GSTCD: variants seen among roughly 807,000 people sequenced by gnomAD.
GSTCD encodes glutathione S-transferase C-terminal domain-containing protein.
In GSTCD, 44 loss-of-function variants were observed where a neutral mutation model predicts 68.3. The ratio of observed to expected loss-of-function variants is 0.64; its 90% CI spans 0.51 to 0.83. GSTCD has a LOEUF of 0.83. Among genes scored for constraint, GSTCD ranks in the 40% least tolerant of loss-of-function variants. The probability of loss-of-function intolerance (pLI) is 0.00; values close to 1 mark genes in which losing one functional copy is unlikely to be tolerated. For synonymous variants in GSTCD, 273 were observed against 255.2 expected (o/e 1.07, Z -0.67); for missense variants, 739 against 735.9 (o/e 1.00, Z -0.05).
At chr4:105,742,707 C>CTTTTTTT (rs70941211) in intron 5 of GSTCD, among the ~76,000 whole-genome samples, 5 of 130,398 alleles carry the variant, frequency 3.8e-5, no homozygotes, top group Non-Finnish European at 5.0e-5. Context: ...GTTGTTTTTA[C>CTTTTTTT]TTTTTTTTTT....
At chr4:105,802,364 A>C (rs1736138247) in intron 5 of GSTCD, among the ~76,000 whole-genome samples, 2 of 152,178 alleles carry the variant, frequency 1.3e-5, no homozygotes, top group South Asian at 4.1e-4. Context: ...CTTGTGCATA[A>C]CCTGTTATCC....
chr4:105,772,179 G>T (rs1385545082), intron 5 of GSTCD, among the ~76,000 whole-genome samples: 1 of 152,122 alleles, frequency 6.6e-6, no homozygotes, highest in South Asian at 2.1e-4. Context: ...CATTATTGGT[G>T]CATAGCAATG....
intron 5 of GSTCD, among the ~76,000 whole-genome samples, chr4:105,817,265 G>C (rs1401527129): frequency 6.6e-6 from 1 of 151,870 alleles, no homozygotes; most frequent in East Asian, 1.9e-4. Flanking sequence ...TGTGTTGAAT[G>C]AATGATTGAG....
At position 105,797,838 on chromosome 4, in the gene GSTCD, G is replaced by A. The variant is rs192358185; in HGVS notation, c.1241-25116G>A. Among the ~76,000 whole-genome samples the A allele has an allele frequency of 2.3e-3, 316 of 140,392 alleles. 2 individuals carry two copies. The highest frequency in any genetic ancestry group is 7.9e-3 in the African/African-American group (291 of 36,938). The allele number at this position is 140,392 out of a possible 152,430, so 92.1% of individuals were successfully genotyped here. A position where few individuals can be genotyped will look rare whatever the true frequency, so the allele number is the denominator to read the frequency against. On this transcript the variant is annotated intron_variant, in intron 5 of 11. Coordinates refer to ENST00000515279, the MANE Select transcript of GSTCD (RefSeq NM_001370181.1). ...CACCCAGGCTGGAATGCAATGGTGC[G>A]ATCTTGGCTCACTGCAACCTCCGCC...
chr4:105,797,749 A>C (rs1735952354), intron 5 of GSTCD, among the ~76,000 whole-genome samples: 1 of 148,186 alleles, frequency 6.7e-6, no homozygotes. Flanking sequence ...AGCATTTTAC[A>C]CACAATAGAA....
At chr4:105,754,062 C>A (rs898779628) in intron 5 of GSTCD, among the ~76,000 whole-genome samples, 10 of 151,806 alleles carry the variant, frequency 6.6e-5, no homozygotes, top group Non-Finnish European at 2.9e-5. Flanking sequence ...TAGTACTATT[C>A]ATTACGATTG....
At chr4:105,751,946 G>T (rs1406019663) in intron 5 of GSTCD, among the ~76,000 whole-genome samples, 1 of 152,102 alleles carries the variant, frequency 6.6e-6, no homozygotes. Flanking sequence ...AAATCCCGTG[G>T]GACTACTTTG....
chr4:105,766,875 A>G (rs1409928291), intron 5 of GSTCD, among the ~76,000 whole-genome samples: 6 of 75,060 alleles, frequency 8.0e-5, no homozygotes, highest in African/African-American at 3.8e-4. Context: ...AAGCATGAAT[A>G]GGTTTTTGAC....
intron 5 of GSTCD, among the ~76,000 whole-genome samples, chr4:105,793,421 A>T (rs974413912): frequency 6.6e-6 from 1 of 150,820 alleles, no homozygotes; most frequent in African/African-American, 2.5e-5. Context: ...TTTTTTTTTA[A>T]AAAAAATCTT....
At chr4:105,825,854 AT>A in intron 8 of GSTCD, 54 bp downstream of exon 8, 1 of 1,128,494 alleles carries the variant, frequency 8.9e-7, no homozygotes, top group East Asian at 2.4e-5. Context: ...GAAAAATTAC[AT>A]GCCTTAGAGT....
intron 5 of GSTCD, among the ~76,000 whole-genome samples, chr4:105,755,188 A>G (rs1578440145): frequency 1.3e-5 from 2 of 151,524 alleles, no homozygotes; most frequent in Non-Finnish European, 2.9e-5. Context: ...TTGAAGCTGC[A>G]GTGGGCCATG....
At chr4:105,771,985 G>C (rs987115204) in intron 5 of GSTCD, among the ~76,000 whole-genome samples, 1 of 152,082 alleles carries the variant, frequency 6.6e-6, no homozygotes, top group Admixed American at 6.5e-5. Context: ...TCACGATATT[G>C]ATTCTTCCTA....
chr4:105,758,784 T>C (rs1016033763), intron 5 of GSTCD, among the ~76,000 whole-genome samples: 2 of 152,224 alleles, frequency 1.3e-5, no homozygotes, highest in African/African-American at 4.8e-5. Flanking sequence ...CTAGTTTATT[T>C]TACCATCAGC....
At chr4:105,717,533 T>C (rs2149204261) in intron 1 of GSTCD, 60 bp from the exon 2 acceptor site, 1 of 1,062,204 alleles carries the variant, frequency 9.4e-7, no homozygotes, top group East Asian at 2.5e-5. Flanking sequence ...CATTCATCTT[T>C]TATTTTAGCT....
chr4:105,752,748 T>A (rs941772705), intron 5 of GSTCD, among the ~76,000 whole-genome samples: 3 of 152,104 alleles, frequency 2.0e-5, no homozygotes, highest in Non-Finnish European at 4.4e-5. Context: ...GTAAGAAACT[T>A]CAAATTATCC....
At chr4:105,713,615 G>T (rs1444511780) in intron 1 of GSTCD, among the ~76,000 whole-genome samples, 1 of 152,070 alleles carries the variant, frequency 6.6e-6, no homozygotes, top group African/African-American at 2.4e-5. Context: ...TACTTTTAAG[G>T]ATTGTGAGCA....
At chr4:105,826,714 G>C (rs1249685308) in intron 8 of GSTCD, among the ~76,000 whole-genome samples, 1 of 151,284 alleles carries the variant, frequency 6.6e-6, no homozygotes. Context: ...TTTTCTCATT[G>C]TTATAATGCA....
intron 9 of GSTCD, among the ~76,000 whole-genome samples, chr4:105,836,015 A>C (rs1724103917): frequency 6.6e-6 from 1 of 152,002 alleles, no homozygotes. Context: ...TGCTGTCTTC[A>C]GGCAGGTCAT....
chr4:105,731,153 G>C (rs1733225214), intron 5 of GSTCD, among the ~76,000 whole-genome samples: 1 of 152,180 alleles, frequency 6.6e-6, no homozygotes, highest in Non-Finnish European at 1.5e-5. Flanking sequence ...ATAGTTTGAA[G>C]TCAGGTAGTG....
Sources: allele counts gnomAD v4.1 joint callset (sites outside exome capture counted in the v4.1 genomes callset), GRCh38; gene constraint gnomAD v4.1.1; transcripts MANE v1.5; gene names NCBI Gene and HGNC (gene_info 2026-07-23, HGNC 2026-07-21).